Variants in BRD4 observed in about 807,000 individuals in gnomAD.
BRD4 encodes bromodomain containing 4.
Under a neutral mutation model 142.1 loss-of-function variants are expected in BRD4, and 16 were observed. The observed-to-expected ratio is 0.11, with a 90% CI of 0.08 to 0.17. The LOEUF (loss-of-function observed/expected upper bound fraction) is 0.17, where lower values mean the gene tolerates loss of function less well. Ranked by LOEUF, BRD4 falls within the 10% of genes least tolerant of loss-of-function variation. BRD4 has a pLI of 1.00. For missense variants in BRD4, 1,424 were observed against 1,810.9 expected (o/e 0.79, Z 3.88); for synonymous variants, 833 against 707.5 (o/e 1.18, Z -2.82).
chr19:15,241,087 T>C (rs1470399125), intron 14 of BRD4, among the ~76,000 whole-genome samples: 1 of 152,220 alleles, frequency 6.6e-6, no homozygotes, highest in African/African-American at 2.4e-5. Flanking sequence ...CTGCAGCTGC[T>C]TGGAGCCCAC....
At chr19:15,253,524 G>GC (rs948680581) in intron 11 of BRD4, 6 of 1,523,280 alleles carry the variant, frequency 3.9e-6, no homozygotes, top group South Asian at 1.2e-5. Context: ...GGAGGGACAC[G>GC]CAAGTCCAGG....
intron 1 of BRD4, among the ~76,000 whole-genome samples, chr19:15,324,243 C>T (rs898816263): frequency 1.3e-5 from 2 of 152,168 alleles, no homozygotes; most frequent in Non-Finnish European, 2.9e-5. Flanking sequence ...ACTGTCTACA[C>T]CTAGGATAAA....
At chr19:15,330,150 A>T (rs1392893033) in intron 1 of BRD4, among the ~76,000 whole-genome samples, 2 of 152,342 alleles carry the variant, frequency 1.3e-5, no homozygotes, top group East Asian at 3.9e-4. Flanking sequence ...GACTGCTAGC[A>T]AGATACTCGG....
rs147524170 is a variant in BRD4 at position 15,307,807 on chromosome 19, TAAG to T, written c.-35+24480_-35+24482del. On this transcript the variant is annotated intron_variant, in intron 1 of 19. Transcript: ENST00000679869. ...AAGGAGTGGGTACTACCAGATTGCC[TAAG>T]AAGGGGTGAACCAGCCCAGGTCGGC... Among the ~76,000 whole-genome samples the T allele has an allele frequency of 4.7e-3, 712 of 152,158 alleles. 6 individuals carry two copies. Among genetic ancestry groups the T allele is most frequent in the African/African-American group, 0.017 (687 of 41,520 alleles).
At chr19:15,264,292 A>T in intron 6 of BRD4, 112 bp downstream of exon 6, 1 of 1,425,024 alleles carries the variant, frequency 7.0e-7, no homozygotes, top group Non-Finnish European at 9.4e-7. Flanking sequence ...AAATCCACGC[A>T]GCCACCGTTC....
At chr19:15,287,925 C>T (rs913161356) in intron 1 of BRD4, among the ~76,000 whole-genome samples, 1 of 152,036 alleles carries the variant, frequency 6.6e-6, no homozygotes. Flanking sequence ...CGTGCCACCA[C>T]GTCTGGCTAA....
chr19:15,277,961 C>T (rs1444161463), intron 1 of BRD4, among the ~76,000 whole-genome samples: 1 of 151,420 alleles, frequency 6.6e-6, no homozygotes, highest in African/African-American at 2.4e-5. Context: ...AAAAAATTAG[C>T]CAGGCATGGC....
At chr19:15,253,037 GATGGGAC>G (rs1413912703) in intron 11 of BRD4, 2 of 233,754 alleles carry the variant, frequency 8.6e-6, no homozygotes, top group Non-Finnish European at 1.7e-5. Context: ...AAATCCCAGG[GATGGGAC>G]AGGCCCGTGG....
At chr19:15,270,114 CAG>C (rs1421875133) in intron 2 of BRD4, among the ~76,000 whole-genome samples, 2 of 152,200 alleles carry the variant, frequency 1.3e-5, no homozygotes, top group Non-Finnish European at 2.9e-5. Flanking sequence ...AGTGGTGTAT[CAG>C]AACCAAATCC....
chr19:15,330,488 G>A (rs2048147539), intron 1 of BRD4, among the ~76,000 whole-genome samples: 1 of 152,142 alleles, frequency 6.6e-6, no homozygotes, highest in Non-Finnish European at 1.5e-5. Context: ...ATTGGCGGCC[G>A]GGAACGGTGG....
chr19:15,285,454 A>T (rs2047732686), intron 1 of BRD4, among the ~76,000 whole-genome samples: 1 of 152,160 alleles, frequency 6.6e-6, no homozygotes, highest in Admixed American at 6.5e-5. Flanking sequence ...AGCTCCAGCT[A>T]CTTGGGAGGC....
At chr19:15,280,083 C>A (rs1599483704) in intron 1 of BRD4, among the ~76,000 whole-genome samples, 1 of 152,250 alleles carries the variant, frequency 6.6e-6, no homozygotes, top group East Asian at 1.9e-4. Context: ...TGTTATCGAG[C>A]ACTTCATCTG....
intron 5 of BRD4, 136 bp from the exon 6 acceptor site, chr19:15,264,902 G>A (rs2047515253): frequency 1.5e-6 from 2 of 1,372,020 alleles, no homozygotes; most frequent in Non-Finnish European, 2.0e-6. Flanking sequence ...TAATTGCACA[G>A]GCAAAGGGCC....
At chr19:15,270,300 C>T (rs1599470800) in intron 2 of BRD4, among the ~76,000 whole-genome samples, 2 of 152,128 alleles carry the variant, frequency 1.3e-5, no homozygotes, top group Non-Finnish European at 2.9e-5. Context: ...CTGACATCCA[C>T]GAGAAAGAGT....
intron 8 of BRD4, among the ~76,000 whole-genome samples, chr19:15,256,713 C>G (rs1480838011): frequency 6.6e-6 from 1 of 152,152 alleles, no homozygotes; most frequent in Non-Finnish European, 1.5e-5. Context: ...AAGGATCAAG[C>G]CACCTCCTCT....
Position 15,310,685 on chromosome 19 carries a change from G to T in BRD4, c.-35+21605C>A, listed in dbSNP as rs1009449524. The stretch of plus-strand genomic sequence containing the variant: ...ATTTTTATAGTTTTTATTAGAGACG[G>T]GGTTTCACCATACTGGCCAGGCTGG... On this transcript the variant is annotated intron_variant, in intron 1 of 19. Coordinates refer to ENST00000679869, the MANE Select transcript of BRD4 (RefSeq NM_001379291.1). 3.3e-5 allele frequency among the ~76,000 whole-genome samples: 5 copies of T among 150,102 alleles called. No homozygotes were observed. The East Asian group carries it at 6.0e-4, about 18-fold the overall frequency.
At chr19:15,275,381 A>G (rs978124164) in intron 1 of BRD4, among the ~76,000 whole-genome samples, 4 of 152,222 alleles carry the variant, frequency 2.6e-5, no homozygotes, top group Non-Finnish European at 4.4e-5. Flanking sequence ...ACCAAGGCAG[A>G]GAGAAGTACC....
intron 2 of BRD4, among the ~76,000 whole-genome samples, chr19:15,269,508 T>G (rs1026065656): frequency 6.6e-6 from 1 of 152,154 alleles, no homozygotes; most frequent in African/African-American, 2.4e-5. Context: ...AGTCCACTTG[T>G]AACCCTTGAC....
At chr19:15,327,696 T>C (rs2048120980) in intron 1 of BRD4, among the ~76,000 whole-genome samples, 1 of 152,036 alleles carries the variant, frequency 6.6e-6, no homozygotes, top group African/African-American at 2.4e-5. Flanking sequence ...CATTCAGTTA[T>C]AAAAAGGAAT....
Sources: gnomAD v4.1 joint callset for allele counts (sites outside exome capture counted in the v4.1 genomes callset) on GRCh38, gnomAD v4.1.1 for gene constraint, MANE v1.5 for transcripts, NCBI Gene and HGNC (gene_info 2026-07-23, HGNC 2026-07-21) for gene names.